Variants in MOBP observed in about 807,000 individuals in gnomAD.
The protein encoded by MOBP is myelin associated oligodendrocyte basic protein.
MOBP carries 5 observed loss-of-function variants against 15.0 expected under a neutral mutation model. That is an observed-to-expected ratio of 0.33 (90% CI 0.17 to 0.70). The LOEUF is 0.70. MOBP is among the 30% of genes least tolerant of loss of function. The pLI is 0.67. For missense variants in MOBP, 188 were observed against 257.8 expected (o/e 0.73, Z 1.85); for synonymous variants, 88 against 99.0 (o/e 0.89, Z 0.66).
At chr3:39,522,013 G>T (rs937747045) in intron 3 of MOBP, among the ~76,000 whole-genome samples, 1 of 152,198 alleles carries the variant, frequency 6.6e-6, no homozygotes, top group African/African-American at 2.4e-5. Flanking sequence ...AATCAGGCTA[G>T]CTCTCACATT....
intron 2 of MOBP, among the ~76,000 whole-genome samples, chr3:39,491,348 G>A (rs2125643091): frequency 6.6e-6 from 1 of 152,194 alleles, no homozygotes; most frequent in Middle Eastern, 3.4e-3. Context: ...TTCTTCATCT[G>A]TAAAATAAGG....
rs116050164 is a variant in MOBP, at chr3:39,491,374, C to T, written c.-4-10692C>T. ...TAAAATAAGGATAAATGTAATCTAT[C>T]TCCTAGGATTATTACCAGGGTTAAA... On this transcript the variant is annotated intron_variant, in intron 2 of 3. Transcript: ENST00000684792. Among the ~76,000 whole-genome samples the T allele has an allele frequency of 8.3e-3, 1,271 of 152,272 alleles. 12 individuals are homozygous for T. Among genetic ancestry groups the T allele is most frequent in the African/African-American group, 0.029 (1,197 of 41,538 alleles).
At chr3:39,516,926 TC>T (rs1451514942), downstream of MOBP, among the ~76,000 whole-genome samples, 25 of 152,154 alleles carry the variant, frequency 1.6e-4, no homozygotes, top group Admixed American at 1.6e-3. Context: ...AGTAATTTGC[TC>T]CCTGTCCATC....
rs1252242145 is a variant in MOBP, at chr3:39,467,720, CACA to C, written c.-103_-101del. 3 of 152,202 alleles carry C rather than the reference CACA, an allele frequency of 2.0e-5. No individual in the cohort carries two copies. Among genetic ancestry groups the C allele is most frequent in the Non-Finnish European group, 4.4e-5 (3 of 68,048 alleles). 9.4% of individuals were successfully genotyped at this position (152,202 alleles called of 1,614,324 possible). On this transcript the variant is annotated 5_prime_UTR_variant, in exon 1 of 4. Transcript: ENST00000684792. Reference sequence around the variant, plus strand: ...TGGTATAGACGCAGAATCTGTTTCACACAACAACTGCTATTTGAAGGTAAGAGG... The same window carrying C: ...TGGTATAGACGCAGAATCTGTTTCACACAACTGCTATTTGAAGGTAAGAGG...
intron 2 of MOBP, among the ~76,000 whole-genome samples, chr3:39,489,632 T>C (rs1397273013): frequency 6.6e-6 from 1 of 152,048 alleles, no homozygotes; most frequent in Non-Finnish European, 1.5e-5. Flanking sequence ...CAAGAATTGC[T>C]CTCCAGGGTA....
Position 39,490,603 on chromosome 3 carries a change from C to T in MOBP, c.-5+10480C>T, listed in dbSNP as rs1384418521. Among the ~76,000 whole-genome samples, 5 of 152,154 alleles carry T rather than the reference C, an allele frequency of 3.3e-5. 1 individual carries two copies. The highest frequency in any genetic ancestry group is 2.6e-4 in the Admixed American group (4 of 15,268). ...TTTGAGACAGAGTCTTGCTCTGTCA[C>T]CCAGGCTGGAGTGCAGTGGCGTGAT... On this transcript the variant is annotated intron_variant, in intron 2 of 3. Coordinates refer to ENST00000684792, the MANE Select transcript of MOBP (RefSeq NM_001393704.1).
At chr3:39,490,921 G>A (rs1227103130) in intron 2 of MOBP, among the ~76,000 whole-genome samples, 1 of 152,126 alleles carries the variant, frequency 6.6e-6, no homozygotes, top group Non-Finnish European at 1.5e-5. Flanking sequence ...TGTGGGTTTT[G>A]AGAAATTACA....
downstream of MOBP, among the ~76,000 whole-genome samples, chr3:39,520,867 C>T (rs1358793312): frequency 6.6e-6 from 1 of 152,024 alleles, no homozygotes; most frequent in East Asian, 1.9e-4. Flanking sequence ...CTCAAGTTGT[C>T]TGTGAAAATG....
chr3:39,484,002 A>G (rs1278860616), intron 2 of MOBP, among the ~76,000 whole-genome samples: 3 of 152,214 alleles, frequency 2.0e-5, no homozygotes, highest in Non-Finnish European at 4.4e-5. Flanking sequence ...GTGAAACAGA[A>G]CCCTGAGGAT....
intron 1 of MOBP, among the ~76,000 whole-genome samples, chr3:39,479,679 C>T (rs114273732): frequency 0.011 from 1,728 of 151,998 alleles, 17 homozygotes; most frequent in Non-Finnish European, 0.018. Flanking sequence ...TTTTTAGAGC[C>T]AGACTCTGGA....
intron 1 of MOBP, among the ~76,000 whole-genome samples, chr3:39,475,546 T>C (rs1015845803): frequency 6.6e-6 from 1 of 152,234 alleles, no homozygotes; most frequent in African/African-American, 2.4e-5. Context: ...CATTCATTAA[T>C]TGGAATGATT....
chr3:39,487,158 C>T (rs143054670), intron 2 of MOBP, among the ~76,000 whole-genome samples: 134 of 151,548 alleles, frequency 8.8e-4, no homozygotes, highest in African/African-American at 3.2e-3. Context: ...CCAGGCTGGT[C>T]TCGAACTCCA....
At position 39,502,594 on chromosome 3, in the gene MOBP, C is replaced by G; in HGVS notation, c.266C>G (p.Ala89Gly). ...RPKQQPAAPP[A>G]VVRAPAKPRS... ...AAGCAACAGCCAGCTGCGCCCCCCG[C>G]GGTGGTCAGAGCGCCAGCCAAGCCA... Residue 89 changes from alanine (A) to glycine (G), a missense_variant, in exon 4 of 4, where the codon GCG (alanine) becomes GGG (glycine). This residue lies in a region of MOBP where 133 missense variants were observed against 212.5 expected (regional missense o/e 0.63). Transcript: ENST00000684792. The surrounding 1 kb of genome is among the most constrained non-coding windows in gnomAD (Gnocchi z 6.3). 1 of 1,569,502 alleles carries G rather than the reference C, an allele frequency of 6.4e-7. No individual in the cohort carries two copies.
intron 1 of MOBP, among the ~76,000 whole-genome samples, chr3:39,479,140 C>T (rs2042589203): frequency 6.6e-6 from 1 of 152,012 alleles, no homozygotes; most frequent in African/African-American, 2.4e-5. Context: ...GATCATTTTT[C>T]TAAATAAGAA....
intron 2 of MOBP, among the ~76,000 whole-genome samples, chr3:39,483,787 G>A (rs1223755589): frequency 2.0e-5 from 3 of 152,156 alleles, no homozygotes; most frequent in African/African-American, 7.2e-5. Flanking sequence ...GCAAATAATT[G>A]TAAAACCTAG....
intron 1 of MOBP, among the ~76,000 whole-genome samples, chr3:39,476,498 CTTTT>C (rs1002485396): frequency 5.3e-5 from 8 of 152,114 alleles, no homozygotes; most frequent in Non-Finnish European, 1.2e-4. Flanking sequence ...TCTTCCTTTC[CTTTT>C]TTGTGACTTC....
chr3:39,522,226 A>G (rs1469938127), intron 3 of MOBP, among the ~76,000 whole-genome samples: 1 of 152,236 alleles, frequency 6.6e-6, no homozygotes, highest in East Asian at 1.9e-4. Flanking sequence ...CAAATTAAAA[A>G]CAAACACATT....
downstream of MOBP, among the ~76,000 whole-genome samples, chr3:39,503,345 C>T (rs1165222838): frequency 6.6e-6 from 1 of 152,180 alleles, no homozygotes; most frequent in Non-Finnish European, 1.5e-5. Flanking sequence ...ACTTACTCAA[C>T]AAATCCTATT....
chr3:39,509,104 GTATA>G lies in MOBP; in HGVS notation c.*-4265_*-4262del, dbSNP rs60812063. On this transcript the variant is annotated intron_variant, in intron 4 of 4. Coordinates refer to the MOBP transcript ENST00000311042. ...TGTGAGAGTGTTTGTGTGTGTGTGT[GTATA>G]TATATATATATATGGATTCACATGC... 8.7e-4 allele frequency among the ~76,000 whole-genome samples: 116 copies of G among 132,938 alleles called. 1 individual carries two copies. Among genetic ancestry groups the G allele is most frequent in the African/African-American group, 2.6e-3 (78 of 29,978 alleles). 87.2% of individuals were successfully genotyped at this position (132,938 alleles called of 152,430 possible). A position where few individuals can be genotyped will look rare whatever the true frequency, so the allele number is the denominator to read the frequency against.
Sources: gnomAD v4.1 joint callset for allele counts (sites outside exome capture counted in the v4.1 genomes callset) on GRCh38, gnomAD v4.1.1 for gene constraint, gnomAD v4.1.1 regional missense constraint, Gnocchi (gnomAD v3.1) non-coding constraint, MANE v1.5 for transcripts, NCBI Gene and HGNC (gene_info 2026-07-23, HGNC 2026-07-21) for gene names.